The following PARG variants were observed in gnomAD, a reference collection of about 807,000 sequenced individuals.
PARG encodes the protein poly(ADP-ribose) glycohydrolase.
A neutral mutation model predicts 113.0 loss-of-function variants in PARG; 35 were observed. That is an observed-to-expected ratio of 0.31 (90% CI 0.24 to 0.41). PARG has a LOEUF of 0.41. Ranked by LOEUF, PARG falls within the 10% of genes least tolerant of loss-of-function variation. The probability of loss-of-function intolerance (pLI) is 1.00; values close to 1 mark genes in which losing one functional copy is unlikely to be tolerated. For synonymous variants in PARG, 330 were observed against 409.9 expected, an observed-to-expected ratio of 0.81 and a Z score of 2.36; for missense variants, 797 against 1,169.4, an observed-to-expected ratio of 0.68 and a Z score of 4.64.
At chr10:49,890,862 G>A (rs1241378738) in intron 7 of PARG, among the ~76,000 whole-genome samples, 2 of 152,170 alleles carry the variant, frequency 1.3e-5, no homozygotes, top group Non-Finnish European at 2.9e-5. Flanking sequence ...ACATGACTAA[G>A]TACTATACCT....
At chr10:49,895,190 T>A (rs1307403205) in intron 7 of PARG, among the ~76,000 whole-genome samples, 1 of 152,174 alleles carries the variant, frequency 6.6e-6, no homozygotes, top group Non-Finnish European at 1.5e-5. Context: ...GGGGACATTA[T>A]TCAACTCACC....
chr10:49,865,949 G>C (rs1846493278), intron 10 of PARG, among the ~76,000 whole-genome samples: 1 of 149,664 alleles, frequency 6.7e-6, no homozygotes, highest in African/African-American at 2.5e-5. Context: ...GGCTTAAATA[G>C]TGGGCAATCA....
At chr10:49,888,951 A>G (rs1293357924) in intron 7 of PARG, among the ~76,000 whole-genome samples, 1 of 151,598 alleles carries the variant, frequency 6.6e-6, no homozygotes, top group African/African-American at 2.4e-5. Context: ...AAGTTCACTG[A>G]TTCTTTCCTC....
intron 16 of PARG, among the ~76,000 whole-genome samples, chr10:49,826,737 A>G (rs1844376876): frequency 6.6e-6 from 1 of 152,244 alleles, no homozygotes; most frequent in Non-Finnish European, 1.5e-5. Flanking sequence ...AATTTGGTCC[A>G]AGGGATGAGA....
intron 7 of PARG, among the ~76,000 whole-genome samples, chr10:49,888,253 A>G (rs1361909716): frequency 1.0e-4 from 15 of 150,640 alleles, no homozygotes; most frequent in African/African-American, 1.9e-4. Context: ...AAAGTCAAAC[A>G]TAATTTACAA....
intron 4 of PARG, among the ~76,000 whole-genome samples, chr10:49,931,693 C>CAAAAAA (rs1191457420): frequency 5.6e-5 from 4 of 71,764 alleles, no homozygotes; most frequent in Admixed American, 1.7e-4. Flanking sequence ...TGGTCTCCAG[C>CAAAAAA]AAAAAAAAAA....
At chr10:49,821,794 G>A (rs1554828700) in intron 16 of PARG, among the ~76,000 whole-genome samples, 1 of 151,996 alleles carries the variant, frequency 6.6e-6, no homozygotes, top group African/African-American at 2.4e-5. Flanking sequence ...ACAATTGAAG[G>A]TAAACTAAAA....
At chr10:49,888,954 C>T (rs1456808809) in intron 7 of PARG, among the ~76,000 whole-genome samples, 1 of 151,678 alleles carries the variant, frequency 6.6e-6, no homozygotes, top group African/African-American at 2.4e-5. Flanking sequence ...TTCACTGATT[C>T]TTTCCTCTAT....
chr10:49,897,510 G>C (rs1485776648), intron 7 of PARG, among the ~76,000 whole-genome samples: 1 of 152,134 alleles, frequency 6.6e-6, no homozygotes, highest in African/African-American at 2.4e-5. Flanking sequence ...CCTGTCCTCT[G>C]ATCTGTGAAA....
chr10:49,848,003 T>C (rs1387520889), intron 13 of PARG, among the ~76,000 whole-genome samples: 1 of 151,926 alleles, frequency 6.6e-6, no homozygotes, highest in Non-Finnish European at 1.5e-5. Context: ...ATTCCATGTA[T>C]TATACCTGCA....
intron 16 of PARG, among the ~76,000 whole-genome samples, chr10:49,822,694 A>T (rs1311523249): frequency 1.3e-5 from 2 of 152,222 alleles, no homozygotes; most frequent in East Asian, 3.9e-4. Flanking sequence ...ACAAGAGAGG[A>T]AAAAAATCCT....
chr10:49,836,854 C>A (rs979733445), intron 15 of PARG, among the ~76,000 whole-genome samples: 1 of 152,082 alleles, frequency 6.6e-6, no homozygotes, highest in Non-Finnish European at 1.5e-5. Flanking sequence ...TGTATCTCTC[C>A]ACCTTGTTCA....
chr10:49,844,681 C>A (rs1445176237), intron 13 of PARG, among the ~76,000 whole-genome samples: 1 of 149,984 alleles, frequency 6.7e-6, no homozygotes, highest in African/African-American at 2.4e-5. Context: ...ACCTGGGAGG[C>A]GGAGGTTGCA....
chr10:49,920,976 C>T (rs1837837029), intron 6 of PARG, among the ~76,000 whole-genome samples: 1 of 152,098 alleles, frequency 6.6e-6, no homozygotes, highest in Non-Finnish European at 1.5e-5. Context: ...GTATATGTTC[C>T]AGCTGCAGAG....
Position 49,911,462 on chromosome 10 carries a change from A to G in PARG, c.1737+4455T>C, listed in dbSNP as rs575682139. On this transcript the variant is annotated intron_variant, in intron 7 of 17. Coordinates refer to ENST00000616448, the MANE Select transcript of PARG (RefSeq NM_003631.5). ...TGAATTTAATTTTGTGAAACACCACACAGGAGGGCCATAAAACACAGATTG... is the reference window on the plus strand; with the variant it reads ...TGAATTTAATTTTGTGAAACACCACGCAGGAGGGCCATAAAACACAGATTG... Among the ~76,000 whole-genome samples, 25 of 152,330 alleles carry G rather than the reference A, an allele frequency of 1.6e-4. No homozygotes were observed. The South Asian group carries it at 2.7e-3, about 16-fold the overall frequency.
At chr10:49,937,452 G>C (rs1199932125) in intron 1 of PARG, among the ~76,000 whole-genome samples, 2 of 151,078 alleles carry the variant, frequency 1.3e-5, no homozygotes, top group African/African-American at 2.4e-5. Flanking sequence ...CTCCAGCCTG[G>C]GCGACAGTGT....
At position 49,932,215 on chromosome 10, in the gene PARG, A is replaced by G. The variant is rs1554910026; in HGVS notation, c.1340T>C (p.Leu447Pro). 1.3e-5 allele frequency: 21 copies of G among 1,600,440 alleles called. No individual in the cohort carries two copies. The highest frequency in any genetic ancestry group is 1.7e-4 in the Middle Eastern group (1 of 6,060). ...TCCAAGCCACTTCTTATCTGGAGAA[A>G]GGTGAGGTGGAACGTATTTAGGGAT... Reference protein sequence around the residue: ...RKIPKYVPPHLSPDKKWLGTP... With the variant: ...RKIPKYVPPHPSPDKKWLGTP... Residue 447 changes from leucine (L) to proline (P), a missense_variant, in exon 4 of 18, where the codon CTT (leucine) becomes CCT (proline). Transcript: ENST00000616448.
intron 7 of PARG, among the ~76,000 whole-genome samples, chr10:49,888,720 T>G (rs1420617394): frequency 5.9e-5 from 9 of 152,204 alleles, no homozygotes; most frequent in African/African-American, 2.2e-4. Flanking sequence ...TTTATCCTAC[T>G]TAAGTTTTGG....
At chr10:49,844,681 C>T (rs1445176237) in intron 13 of PARG, among the ~76,000 whole-genome samples, 3 of 149,984 alleles carry the variant, frequency 2.0e-5, no homozygotes, top group African/African-American at 7.3e-5. Flanking sequence ...ACCTGGGAGG[C>T]GGAGGTTGCA....
Sources: allele counts gnomAD v4.1 joint callset (sites outside exome capture counted in the v4.1 genomes callset), GRCh38; gene constraint gnomAD v4.1.1; transcripts MANE v1.5; gene names NCBI Gene and HGNC (gene_info 2026-07-23, HGNC 2026-07-21).